The following NEDD9 variants were observed in gnomAD, a reference collection of about 807,000 sequenced individuals.
The protein encoded by NEDD9 is enhancer of filamentation 1.
A neutral mutation model predicts 76.6 loss-of-function variants in NEDD9; 26 were observed. The ratio of observed to expected loss-of-function variants is 0.34; its 90% CI spans 0.25 to 0.47. NEDD9 has a LOEUF of 0.47. NEDD9 is among the 20% of genes least tolerant of loss of function. The pLI is 1.00. For synonymous variants in NEDD9, 392 were observed against 414.2 expected, an observed-to-expected ratio of 0.95 and a Z score of 0.65; for missense variants, 937 against 1,058.5, an observed-to-expected ratio of 0.89 and a Z score of 1.59.
chr6:11,318,222 C>T (rs889559754), intron 2 of NEDD9, among the ~76,000 whole-genome samples: 3 of 152,170 alleles, frequency 2.0e-5, no homozygotes, highest in Admixed American at 6.5e-5. Flanking sequence ...TTGGGACCTG[C>T]CTGCCTCCAT....
Position 11,370,731 on chromosome 6 carries a change from CA to C in NEDD9, c.-214+11407del, listed in dbSNP as rs1044952757. The stretch of plus-strand genomic sequence containing the variant: ...CTCGTTCCTTCAGCAGATGTCCCTC[CA>C]GCACCTCCCATGTGCCAAGAACACA... On this transcript the variant is annotated intron_variant, in intron 1 of 3. Transcript: ENST00000397378. This position sits in a 1 kb window ranked among gnomAD's most constrained non-coding sequence, Gnocchi z 4.2. Among the ~76,000 whole-genome samples the C allele has an allele frequency of 1.3e-5, 2 of 152,240 alleles. No homozygotes were observed. The highest frequency in any genetic ancestry group is 4.8e-5 in the African/African-American group (2 of 41,460).
intron 2 of NEDD9, among the ~76,000 whole-genome samples, chr6:11,197,504 T>C (rs1174426033): frequency 6.6e-6 from 1 of 152,170 alleles, no homozygotes; most frequent in Admixed American, 6.5e-5. Context: ...CAGATGTTAG[T>C]ATACCATTCT....
At chr6:11,281,991 G>A (rs1165537022) in intron 3 of NEDD9, among the ~76,000 whole-genome samples, 7 of 151,960 alleles carry the variant, frequency 4.6e-5, no homozygotes, top group South Asian at 2.1e-4. Flanking sequence ...CACCTGCCTC[G>A]GCCTCCTAAA....
intron 1 of NEDD9, among the ~76,000 whole-genome samples, chr6:11,359,879 A>G (rs985605624): frequency 6.6e-6 from 1 of 152,220 alleles, no homozygotes; most frequent in African/African-American, 2.4e-5. Context: ...GTTTCATGCC[A>G]TGAGGGACAA....
At chr6:11,209,974 T>TTTTTTTTTTTTTTC (rs1581958060) in intron 2 of NEDD9, among the ~76,000 whole-genome samples, 1 of 150,340 alleles carries the variant, frequency 6.7e-6, no homozygotes, top group East Asian at 2.0e-4. Context: ...CACTGTCTTT[T>TTTTTTTTTTTTTTC]TTTTTTCCTT....
At chr6:11,251,902 G>A (rs1029482587) in intron 3 of NEDD9, among the ~76,000 whole-genome samples, 1 of 152,150 alleles carries the variant, frequency 6.6e-6, no homozygotes, top group African/African-American at 2.4e-5. Context: ...GGGATTCTGT[G>A]CTGCTTCATG....
chr6:11,337,231 A>C (rs988936024), intron 1 of NEDD9, among the ~76,000 whole-genome samples: 5 of 152,188 alleles, frequency 3.3e-5, no homozygotes, highest in African/African-American at 4.8e-5. Flanking sequence ...AACAAAAACA[A>C]AAACAAAACA....
intron 1 of NEDD9, among the ~76,000 whole-genome samples, chr6:11,217,472 A>G (rs1200070744): frequency 3.9e-5 from 6 of 152,244 alleles, no homozygotes; most frequent in Non-Finnish European, 7.3e-5. Context: ...GAGAGATAAG[A>G]GAGCTATGTA....
At chr6:11,185,733 CT>C in intron 6 of NEDD9, 62 bp from the exon 7 acceptor site, 1 of 1,587,928 alleles carries the variant, frequency 6.3e-7, no homozygotes, top group Non-Finnish European at 8.6e-7. Context: ...TGGAAATTCA[CT>C]AGGCCTTGGA....
intron 1 of NEDD9, among the ~76,000 whole-genome samples, chr6:11,380,552 G>A (rs1763043852): frequency 1.3e-5 from 2 of 152,238 alleles, no homozygotes; most frequent in African/African-American, 4.8e-5. Flanking sequence ...TAAAGACTCA[G>A]GTTGTCAGCA....
chr6:11,211,561 C>A (rs1005956573), intron 2 of NEDD9, among the ~76,000 whole-genome samples: 12 of 152,160 alleles, frequency 7.9e-5, no homozygotes, highest in African/African-American at 2.9e-4. Flanking sequence ...TATAGTTACA[C>A]CTTTCAACTG....
chr6:11,314,774 G>A (rs750698085), intron 2 of NEDD9, among the ~76,000 whole-genome samples: 10 of 152,300 alleles, frequency 6.6e-5, no homozygotes, highest in Middle Eastern at 3.4e-3. Flanking sequence ...TGCAAGTCAG[G>A]AGACCTGGGC....
chr6:11,193,903 A>T (rs1198199476), intron 2 of NEDD9, among the ~76,000 whole-genome samples: 4 of 149,378 alleles, frequency 2.7e-5, no homozygotes, highest in African/African-American at 9.9e-5. Flanking sequence ...CTTGCTCCCC[A>T]GGCTGGAGTA....
intron 2 of NEDD9, among the ~76,000 whole-genome samples, chr6:11,308,956 A>C (rs1314280581): frequency 6.6e-6 from 1 of 152,222 alleles, no homozygotes; most frequent in Non-Finnish European, 1.5e-5. Context: ...TATATAAGCA[A>C]AGCAGCGTCT....
At chr6:11,229,828 A>G (rs1461650196) in intron 1 of NEDD9, among the ~76,000 whole-genome samples, 1 of 152,236 alleles carries the variant, frequency 6.6e-6, no homozygotes, top group Non-Finnish European at 1.5e-5. Context: ...AATAGCTTAC[A>G]TTCCACAGTT....
chr6:11,278,405 T>A (rs991011278), intron 3 of NEDD9, among the ~76,000 whole-genome samples: 1 of 152,190 alleles, frequency 6.6e-6, no homozygotes, highest in African/African-American at 2.4e-5. Context: ...AAGGTTAAGA[T>A]ACTTGCTCGA....
At chr6:11,302,860 G>A (rs543112958) in intron 3 of NEDD9, among the ~76,000 whole-genome samples, 2 of 152,242 alleles carry the variant, frequency 1.3e-5, no homozygotes, top group South Asian at 4.2e-4. Context: ...TTGGTGGAAC[G>A]TATCTCAAAA....
In NEDD9 at chr6:11,190,891, A is replaced by C. The variant is rs200707751; in HGVS notation, c.978T>G (p.Leu326=). The change falls in exon 5 of 7, where the codon CTT becomes CTG. Residue 326 remains leucine (L), a synonymous_variant. Transcript: ENST00000379446. The surrounding 1 kb of genome is among the most constrained non-coding windows in gnomAD (Gnocchi z 5.8). Reference sequence around the variant, plus strand: ...TCTCACTGGTTTCTGCTGGTGGCTCAAGAAACTGAACGCCTCGGGGGACAT... The same window carrying C: ...TCTCACTGGTTTCTGCTGGTGGCTCCAGAAACTGAACGCCTCGGGGGACAT... ...AYDVPRGVQF[L]EPPAETSEKA... The C allele has an allele frequency of 1.2e-6, 2 of 1,614,078 alleles. No homozygotes were observed. The highest frequency in any genetic ancestry group is 4.5e-5 in the East Asian group (2 of 44,852).
At chr6:11,290,252 T>G (rs1760736781) in intron 3 of NEDD9, among the ~76,000 whole-genome samples, 9 of 152,194 alleles carry the variant, frequency 5.9e-5, no homozygotes, top group Admixed American at 5.9e-4. Flanking sequence ...GACATATGTT[T>G]TCATGAGCCA....
Sources: allele counts gnomAD v4.1 joint callset (sites outside exome capture counted in the v4.1 genomes callset), GRCh38; gene constraint gnomAD v4.1.1; non-coding constraint Gnocchi (gnomAD v3.1); transcripts MANE v1.5; gene names NCBI Gene and HGNC (gene_info 2026-07-23, HGNC 2026-07-21).